Variants in RBMS3 observed in about 807,000 individuals in gnomAD.
RBMS3 encodes the protein RNA-binding motif, single-stranded-interacting protein 3.
RBMS3 carries 27 observed loss-of-function variants against 66.8 expected under a neutral mutation model. The observed-to-expected ratio is 0.40, with a 90% CI of 0.30 to 0.56. The LOEUF is 0.56. RBMS3 is among the 20% of genes least tolerant of loss of function. The pLI is 0.40. For synonymous variants in RBMS3, 188 were observed against 183.0 expected (o/e 1.03, Z -0.22); for missense variants, 513 against 549.5 (o/e 0.93, Z 0.66).
At chr3:29,408,518 T>C (rs2040125545) in intron 1 of RBMS3, among the ~76,000 whole-genome samples, 1 of 152,128 alleles carries the variant, frequency 6.6e-6, no homozygotes, top group South Asian at 2.1e-4. Flanking sequence ...CTATTCTTTG[T>C]ACTTAATTGT....
At chr3:29,677,086 A>T (rs536315421) in intron 4 of RBMS3, among the ~76,000 whole-genome samples, 1 of 152,288 alleles carries the variant, frequency 6.6e-6, no homozygotes, top group Non-Finnish European at 1.5e-5. Flanking sequence ...AGAAAGCTAC[A>T]CACTTTTAAA....
chr3:29,489,239 G>A (rs796550388), intron 3 of RBMS3, among the ~76,000 whole-genome samples: 7 of 152,128 alleles, frequency 4.6e-5, no homozygotes, highest in African/African-American at 9.6e-5. Context: ...GCACAGCCAC[G>A]TTCATTCTAA....
intron 7 of RBMS3, among the ~76,000 whole-genome samples, chr3:29,875,508 A>G (rs1938203563): frequency 6.6e-6 from 1 of 152,146 alleles, no homozygotes; most frequent in African/African-American, 2.4e-5. Flanking sequence ...GACATACTAT[A>G]AAATGCTATC....
At chr3:29,514,151 G>A (rs1320340836) in intron 3 of RBMS3, among the ~76,000 whole-genome samples, 1 of 152,130 alleles carries the variant, frequency 6.6e-6, no homozygotes, top group East Asian at 1.9e-4. Context: ...GTAAGGAAGG[G>A]ATTATTACAC....
At chr3:29,955,050 T>C (rs1207656828) in intron 12 of RBMS3, among the ~76,000 whole-genome samples, 1 of 151,998 alleles carries the variant, frequency 6.6e-6, no homozygotes, top group Non-Finnish European at 1.5e-5. Flanking sequence ...ATACCAGAAA[T>C]GTTACACTAC....
intron 1 of RBMS3, among the ~76,000 whole-genome samples, chr3:29,370,790 G>A (rs1466634759): frequency 6.6e-6 from 1 of 152,184 alleles, no homozygotes; most frequent in Non-Finnish European, 1.5e-5. Context: ...ATAGTATATA[G>A]ATTTGTTCAA....
At chr3:29,468,139 A>T (rs2042601718) in intron 2 of RBMS3, among the ~76,000 whole-genome samples, 1 of 152,138 alleles carries the variant, frequency 6.6e-6, no homozygotes, top group Non-Finnish European at 1.5e-5. Flanking sequence ...ACCATGAAAA[A>T]TTCCATAAAT....
At chr3:29,641,785 C>T (rs1358587861) in intron 4 of RBMS3, among the ~76,000 whole-genome samples, 2 of 151,970 alleles carry the variant, frequency 1.3e-5, no homozygotes, top group Admixed American at 1.3e-4. Context: ...GCACACTGCA[C>T]AGGGTGAGAG....
chr3:29,562,557 T>A (rs1431443425), intron 3 of RBMS3, among the ~76,000 whole-genome samples: 1 of 152,188 alleles, frequency 6.6e-6, no homozygotes, highest in Non-Finnish European at 1.5e-5. Context: ...CCAAGGACTA[T>A]TCTAGGGGTC....
Position 29,996,509 on chromosome 3 carries a change from T to C in RBMS3, c.1307+5300T>C, listed in dbSNP as rs1419473916. On this transcript the variant is annotated intron_variant, in intron 14 of 14. Transcript: ENST00000383767. ...CACACCTATTCCAAAATTGACCACA[T>C]ACTTGGAAGTAAAGCTCTCCTCAGC... 5.0e-3 allele frequency among the ~76,000 whole-genome samples: 756 copies of C among 149,986 alleles called. 7 individuals are homozygous for C. Among genetic ancestry groups the C allele is most frequent in the African/African-American group, 0.018 (727 of 40,800 alleles).
At chr3:29,664,196 T>G (rs60638802) in intron 4 of RBMS3, among the ~76,000 whole-genome samples, 5,410 of 152,110 alleles carry the variant, frequency 0.036, 209 homozygotes, top group African/African-American at 0.091. Context: ...TTGATAAAAG[T>G]TAATCTTACT....
At chr3:29,433,467 A>G (rs1051160192) in intron 1 of RBMS3, among the ~76,000 whole-genome samples, 8 of 152,176 alleles carry the variant, frequency 5.3e-5, no homozygotes, top group African/African-American at 1.9e-4. Flanking sequence ...AACCATGAAT[A>G]TTCATATTAT....
intron 12 of RBMS3, among the ~76,000 whole-genome samples, chr3:29,946,472 G>T (rs544293598): frequency 6.6e-6 from 1 of 151,604 alleles, no homozygotes; most frequent in Non-Finnish European, 1.5e-5. Context: ...CTGAGTGGTA[G>T]ACACTACACA....
chr3:29,649,154 C>G (rs79127006), intron 4 of RBMS3, among the ~76,000 whole-genome samples: 42 of 152,148 alleles, frequency 2.8e-4, no homozygotes, highest in African/African-American at 1.0e-3. Context: ...GTTATTTTTT[C>G]TCTACTTAAT....
At chr3:29,863,114 A>G (rs2149538116) in intron 6 of RBMS3, among the ~76,000 whole-genome samples, 1 of 152,180 alleles carries the variant, frequency 6.6e-6, no homozygotes, top group Non-Finnish European at 1.5e-5. Context: ...TTGACTCCTG[A>G]AATTTAAGGA....
intron 4 of RBMS3, among the ~76,000 whole-genome samples, chr3:29,699,367 G>A (rs1163257050): frequency 1.3e-5 from 2 of 152,100 alleles, no homozygotes; most frequent in African/African-American, 4.8e-5. Flanking sequence ...GGCTAGTCTC[G>A]AACTCCTGAC....
rs556458270 is a variant in RBMS3, at chr3:29,673,987, C to T, written c.400-65733C>T. 4.5e-3 allele frequency among the ~76,000 whole-genome samples: 680 copies of T among 152,218 alleles called. 16 individuals carry two copies. The highest frequency in any genetic ancestry group is 0.036 in the Admixed American group (553 of 15,278). On this transcript the variant is annotated intron_variant, in intron 4 of 14. Coordinates refer to ENST00000383767, the MANE Select transcript of RBMS3 (RefSeq NM_001003793.3). Reference sequence around the variant, plus strand: ...TTAGATCAATATGCCTGATGAACATCGATGCAAAAATCCTCAATAAAATAC... The same window carrying T: ...TTAGATCAATATGCCTGATGAACATTGATGCAAAAATCCTCAATAAAATAC...
At chr3:29,821,699 C>A (rs2058079749) in intron 6 of RBMS3, among the ~76,000 whole-genome samples, 1 of 152,154 alleles carries the variant, frequency 6.6e-6, no homozygotes, top group African/African-American at 2.4e-5. Flanking sequence ...TCCAGGAGAT[C>A]TGAATCATAG....
intron 12 of RBMS3, among the ~76,000 whole-genome samples, chr3:29,959,981 A>C (rs574878217): frequency 1.3e-5 from 2 of 152,176 alleles, no homozygotes; most frequent in African/African-American, 4.8e-5. Flanking sequence ...GCCCCTCCCA[A>C]ATCTCATGTC....
Sources: gnomAD v4.1 joint callset for allele counts (sites outside exome capture counted in the v4.1 genomes callset) on GRCh38, gnomAD v4.1.1 for gene constraint, MANE v1.5 for transcripts, NCBI Gene and HGNC (gene_info 2026-07-23, HGNC 2026-07-21) for gene names.